Variants in C3orf20 observed in about 807,000 individuals in gnomAD.
C3orf20 encodes the protein family with sequence similarity 149 member C.
In C3orf20, 76 loss-of-function variants were observed where a neutral mutation model predicts 88.3. That is an observed-to-expected ratio of 0.86 (90% CI 0.72 to 1.04). C3orf20 has a LOEUF of 1.04. C3orf20 is among the 50% of genes least tolerant of loss of function. C3orf20 has a pLI of 0.00. For missense variants in C3orf20, 1,056 were observed against 1,123.3 expected (o/e 0.94, Z 0.86); for synonymous variants, 436 against 437.4 (o/e 1.00, Z 0.04).
At chr3:14,716,570 C>T (rs1453256072) in intron 9 of C3orf20, among the ~76,000 whole-genome samples, 2 of 152,194 alleles carry the variant, frequency 1.3e-5, no homozygotes, top group East Asian at 3.8e-4. Context: ...CTCCCTTGAA[C>T]ATGTCTCACC....
Position 14,772,933 on chromosome 3 carries a change from T to A in C3orf20, c.*58T>A. On this transcript the variant is annotated 3_prime_UTR_variant, in exon 17 of 17. Coordinates refer to ENST00000253697, the MANE Select transcript of C3orf20 (RefSeq NM_032137.5). The surrounding 1 kb of genome is among the most constrained non-coding windows in gnomAD (Gnocchi z 4.2). ...CCCGGCCCGGGGTGCTGGGGCTTCTTGCCAGCCCAGCCCTGCCTCCCCGGT... is the reference window on the plus strand; with the variant it reads ...CCCGGCCCGGGGTGCTGGGGCTTCTAGCCAGCCCAGCCCTGCCTCCCCGGT... The A allele has an allele frequency of 7.4e-7, 1 of 1,357,796 alleles. No individual in the cohort carries two copies. Among genetic ancestry groups the A allele is most frequent in the Middle Eastern group, 2.1e-4 (1 of 4,738 alleles). 84.1% of individuals were successfully genotyped at this position (1,357,796 alleles called of 1,614,324 possible). A position where few individuals can be genotyped will look rare whatever the true frequency, so the allele number is the denominator to read the frequency against.
intron 12 of C3orf20, among the ~76,000 whole-genome samples, chr3:14,739,911 G>C (rs574638364): frequency 2.1e-4 from 32 of 152,324 alleles, no homozygotes; most frequent in Admixed American, 1.9e-3. Context: ...ATTAAAGAGA[G>C]CTTGGGCCTT....
At chr3:14,735,675 C>A (rs1018217708) in intron 12 of C3orf20, among the ~76,000 whole-genome samples, 3 of 151,918 alleles carry the variant, frequency 2.0e-5, no homozygotes, top group Non-Finnish European at 4.4e-5. Context: ...CTCACTGCAA[C>A]CTCCACCTCC....
intron 12 of C3orf20, among the ~76,000 whole-genome samples, chr3:14,738,593 AG>A (rs1463355520): frequency 6.8e-6 from 1 of 146,420 alleles, no homozygotes; most frequent in African/African-American, 2.5e-5. Flanking sequence ...GGCCTCCCAA[AG>A]TGCTGGGATT....
Position 14,683,100 on chromosome 3 carries a change from C to A in C3orf20, c.387C>A (p.Thr129=). 6.2e-7 allele frequency: 1 copy of A among 1,614,030 alleles called. No individual in the cohort carries two copies. The highest frequency in any genetic ancestry group is 2.2e-5 in the East Asian group (1 of 44,872). Residue 129 remains threonine (T), a synonymous_variant, in exon 3 of 17, where the codon ACC becomes ACA. Coordinates refer to ENST00000253697, the MANE Select transcript of C3orf20 (RefSeq NM_032137.5). ...CCACCATGGCCCGTCAGGTGCGCAC[C>A]CACCAGGAGACCCTGAACAGGTTTC... ...LSPTMARQVR[T]HQETLNRFQQ... is the part of the protein sequence containing the mutation.
chr3:14,713,474 G>T (rs537724992), intron 7 of C3orf20, among the ~76,000 whole-genome samples: 3 of 152,266 alleles, frequency 2.0e-5, no homozygotes, highest in Non-Finnish European at 4.4e-5. Flanking sequence ...GCTTCTTGGG[G>T]CCTCTTTACT....
At chr3:14,696,143 A>T (rs1233803001) in intron 5 of C3orf20, among the ~76,000 whole-genome samples, 6 of 140,146 alleles carry the variant, frequency 4.3e-5, no homozygotes, top group South Asian at 2.2e-4. Flanking sequence ...TTTTTTGTGT[A>T]CCCATTGTGT....
At chr3:14,723,975 A>G (rs1446499872) in intron 10 of C3orf20, among the ~76,000 whole-genome samples, 2 of 152,010 alleles carry the variant, frequency 1.3e-5, no homozygotes, top group Non-Finnish European at 2.9e-5. Context: ...GCCTACCACC[A>G]CACCAGCTCA....
chr3:14,730,155 T>G (rs2034489746), intron 12 of C3orf20, among the ~76,000 whole-genome samples: 1 of 152,246 alleles, frequency 6.6e-6, no homozygotes, highest in Admixed American at 6.5e-5. Flanking sequence ...TTGGTGTGTC[T>G]TCTTTGGTGT....
intron 12 of C3orf20, among the ~76,000 whole-genome samples, chr3:14,750,902 T>G (rs2035201712): frequency 6.6e-6 from 1 of 152,210 alleles, no homozygotes; most frequent in South Asian, 2.1e-4. Context: ...CTCCTTTCTT[T>G]CCTGTCCTTC....
intron 6 of C3orf20, 90 bp from the exon 7 acceptor site, chr3:14,704,247 G>T (rs2124936965): frequency 7.5e-7 from 1 of 1,331,102 alleles, no homozygotes; most frequent in Non-Finnish European, 1.0e-6. Context: ...ATGGGATAGG[G>T]GTCTTGGGCA....
chr3:14,764,484 TTA>T (rs1465513211), intron 15 of C3orf20, among the ~76,000 whole-genome samples: 26 of 131,466 alleles, frequency 2.0e-4, no homozygotes, highest in Non-Finnish European at 3.1e-4. Flanking sequence ...CAATCGTTTA[TTA>T]TTATTATTAT....
chr3:14,698,895 ATGT>A (rs2033127429), intron 5 of C3orf20, among the ~76,000 whole-genome samples: 2 of 152,300 alleles, frequency 1.3e-5, no homozygotes, highest in South Asian at 4.1e-4. Flanking sequence ...AGGTCCGGAA[ATGT>A]TGTCTGGGAG....
intron 15 of C3orf20, among the ~76,000 whole-genome samples, chr3:14,763,636 A>G (rs1156413977): frequency 6.6e-6 from 1 of 152,222 alleles, no homozygotes; most frequent in East Asian, 1.9e-4. Flanking sequence ...CCTCAAAAGG[A>G]AGATGCTCTT....
intron 1 of C3orf20, among the ~76,000 whole-genome samples, chr3:14,677,770 G>A (rs1305390303): frequency 1.3e-5 from 2 of 152,094 alleles, no homozygotes; most frequent in East Asian, 1.9e-4. Context: ...CAAAGTGCTG[G>A]GATTACAGGT....
Position 14,759,919 on chromosome 3 carries a change from A to G in C3orf20, c.2273A>G (p.Gln758Arg). 6.2e-7 allele frequency: 1 copy of G among 1,614,106 alleles called. No homozygotes were observed. The highest frequency in any genetic ancestry group is 8.5e-7 in the Non-Finnish European group (1 of 1,179,968). ...CGGTATGACTCCTACCGCCTGCTGC[A>G]GTATGACCTGGACAGCCCCCTGCAG... The part of the protein sequence containing the change: ...QCRYDSYRLL[Q>R]YDLDSPLQED... The change falls in exon 14 of 17, where the codon CAG becomes CGG. Residue 758 changes from glutamine to arginine, a missense_variant. Physicochemically the swap from Gln to Arg is conservative, Grantham distance 43 (BLOSUM62 1). Transcript: ENST00000253697.
In C3orf20 at chr3:14,690,135, G is replaced by A; in HGVS notation, c.745+19G>A. 6.2e-7 allele frequency: 1 copy of A among 1,613,816 alleles called. No homozygotes were observed. Among genetic ancestry groups the A allele is most frequent in the Non-Finnish European group, 8.5e-7 (1 of 1,179,820 alleles). ...AAAATAGGTAAAAATGGTTCCTCGT[G>A]GCCTACCATTCATTGGTGGTGGCGG... On this transcript the variant is annotated intron_variant, in intron 5 of 16. Coordinates refer to ENST00000253697, the MANE Select transcript of C3orf20 (RefSeq NM_032137.5).
chr3:14,678,196 A>T (rs1365328273), intron 1 of C3orf20, among the ~76,000 whole-genome samples: 2 of 152,140 alleles, frequency 1.3e-5, no homozygotes, highest in Non-Finnish European at 2.9e-5. Flanking sequence ...CCTAACAATT[A>T]CTGAGCATTC....
chr3:14,736,642 C>G (rs575730286), intron 12 of C3orf20, among the ~76,000 whole-genome samples: 5 of 151,030 alleles, frequency 3.3e-5, no homozygotes, highest in Admixed American at 6.7e-5. Context: ...TCTCAGCTCA[C>G]TGCAACCTCC....
Sources: allele counts gnomAD v4.1 joint callset (sites outside exome capture counted in the v4.1 genomes callset), GRCh38; gene constraint gnomAD v4.1.1; non-coding constraint Gnocchi (gnomAD v3.1); transcripts MANE v1.5; gene names NCBI Gene and HGNC (gene_info 2026-07-23, HGNC 2026-07-21).